RORA: variants seen among roughly 807,000 people sequenced by gnomAD.
RORA encodes the protein RAR related orphan receptor A.
In RORA, 7 loss-of-function variants were observed where a neutral mutation model predicts 69.5. That is an observed-to-expected ratio of 0.10 (90% confidence interval 0.06 to 0.19). The LOEUF is 0.19. Among genes scored for constraint, RORA ranks in the 10% least tolerant of loss-of-function variants. The probability of loss-of-function intolerance (pLI) is 1.00; values close to 1 mark genes in which losing one functional copy is unlikely to be tolerated. For synonymous variants in RORA, 261 were observed against 240.8 expected, an observed-to-expected ratio of 1.08 and a Z score of -0.78; for missense variants, 457 against 663.0, an observed-to-expected ratio of 0.69 and a Z score of 3.41.
At chr15:61,069,552 G>T (rs2078310816) in intron 1 of RORA, among the ~76,000 whole-genome samples, 1 of 152,104 alleles carries the variant, frequency 6.6e-6, no homozygotes, top group South Asian at 2.1e-4. Context: ...GTCAACATTC[G>T]GCTGTTTCAC....
intron 1 of RORA, among the ~76,000 whole-genome samples, chr15:60,989,180 G>A (rs568774243): frequency 9.2e-5 from 14 of 152,134 alleles, no homozygotes; most frequent in East Asian, 3.9e-4. Context: ...CAGTCTCATC[G>A]CCCCTGAAAA....
chr15:60,873,702 C>A (rs544576494), intron 1 of RORA, among the ~76,000 whole-genome samples: 4 of 152,250 alleles, frequency 2.6e-5, no homozygotes, highest in Admixed American at 2.0e-4. Flanking sequence ...TGTTCTGGAA[C>A]ATAAAGTAGC....
intron 1 of RORA, among the ~76,000 whole-genome samples, chr15:61,010,777 G>A (rs999990162): frequency 2.0e-5 from 3 of 152,160 alleles, no homozygotes; most frequent in Non-Finnish European, 4.4e-5. Context: ...TGGACAATAA[G>A]AACATTGCAT....
Position 60,511,901 on chromosome 15 carries a change from G to A in RORA, c.425-280C>T. 2.7e-6 allele frequency: 1 copy of A among 364,414 alleles called. No homozygotes were observed. The highest frequency in any genetic ancestry group is 5.0e-6 in the Non-Finnish European group (1 of 199,450). 22.6% of individuals were successfully genotyped at this position (364,414 alleles called of 1,614,324 possible). ...GAGATGCCACTTCTGTTTCCCTGCT[G>A]TCACATCCCCCGTTTCCACTGCGCC... On this transcript the variant is annotated intron_variant, in intron 4 of 10. Transcript: ENST00000335670. The surrounding 1 kb of genome is among the most constrained non-coding windows in gnomAD (Gnocchi z 6.4).
At chr15:60,952,104 G>C (rs1893124926) in intron 1 of RORA, among the ~76,000 whole-genome samples, 1 of 150,814 alleles carries the variant, frequency 6.6e-6, no homozygotes. Context: ...GATCAAGTGG[G>C]CTTCATCCCT....
chr15:61,212,695 TCTTA>T (rs991836438), intron 1 of RORA, among the ~76,000 whole-genome samples: 3 of 152,122 alleles, frequency 2.0e-5, no homozygotes, highest in African/African-American at 7.2e-5. Flanking sequence ...CCAGGCCCAT[TCTTA>T]CTTTTTTACA....
chr15:61,065,422 C>A (rs2078244089), intron 1 of RORA, among the ~76,000 whole-genome samples: 1 of 152,170 alleles, frequency 6.6e-6, no homozygotes, highest in Non-Finnish European at 1.5e-5. Flanking sequence ...CTCATCCCAC[C>A]CTTTTCTTCT....
intron 1 of RORA, among the ~76,000 whole-genome samples, chr15:60,811,101 C>T (rs768011601): frequency 6.6e-6 from 1 of 152,174 alleles, no homozygotes; most frequent in Non-Finnish European, 1.5e-5. Flanking sequence ...TATGTCTTAA[C>T]CCCACTGTTT....
At chr15:61,040,155 T>C (rs1180496795) in intron 1 of RORA, among the ~76,000 whole-genome samples, 19 of 116,846 alleles carry the variant, frequency 1.6e-4, no homozygotes, top group African/African-American at 5.9e-4. Flanking sequence ...TATATATATA[T>C]ATATATATAA....
At chr15:61,090,423 C>A (rs781002864) in intron 1 of RORA, among the ~76,000 whole-genome samples, 6 of 152,138 alleles carry the variant, frequency 3.9e-5, no homozygotes, top group Non-Finnish European at 8.8e-5. Context: ...AAAAGAAATA[C>A]CCCAGCCTCT....
rs182575306 is a variant in RORA, at chr15:60,637,039, G to A, written c.196+41618C>T. 2.8e-4 allele frequency among the ~76,000 whole-genome samples: 43 copies of A among 151,940 alleles called. No homozygotes were observed. The East Asian group carries it at 8.1e-3, about 29-fold the overall frequency. ...ATTATAAATAGTATTAAATAAACATGGTTTTTGTGTGCATTAATCTTTACT... is the reference window on the plus strand; with the variant it reads ...ATTATAAATAGTATTAAATAAACATAGTTTTTGTGTGCATTAATCTTTACT... On this transcript the variant is annotated intron_variant, in intron 2 of 10. Coordinates refer to ENST00000335670, the MANE Select transcript of RORA (RefSeq NM_134261.3).
intron 1 of RORA, among the ~76,000 whole-genome samples, chr15:60,806,836 T>A (rs1407705505): frequency 1.3e-5 from 2 of 152,146 alleles, no homozygotes; most frequent in Non-Finnish European, 2.9e-5. Flanking sequence ...CTTGAAGGTG[T>A]CAAAGGAAGA....
At chr15:61,121,562 C>T (rs1056699902) in intron 1 of RORA, among the ~76,000 whole-genome samples, 5 of 152,148 alleles carry the variant, frequency 3.3e-5, no homozygotes, top group Non-Finnish European at 5.9e-5. Flanking sequence ...CTCAGCAATT[C>T]GTTTCAGCTT....
chr15:60,729,780 T>C (rs544473868), intron 1 of RORA, among the ~76,000 whole-genome samples: 4 of 152,228 alleles, frequency 2.6e-5, no homozygotes, highest in Non-Finnish European at 5.9e-5. Context: ...CTTCTGTGTA[T>C]TAAATCTAAA....
chr15:60,579,355 A>G (rs1179539046), intron 2 of RORA, among the ~76,000 whole-genome samples: 1 of 152,182 alleles, frequency 6.6e-6, no homozygotes. Flanking sequence ...GATAGTATCT[A>G]TAAATCCAAA....
chr15:61,222,857 T>C (rs957666974), intron 1 of RORA, among the ~76,000 whole-genome samples: 1 of 152,206 alleles, frequency 6.6e-6, no homozygotes, highest in Admixed American at 6.5e-5. Flanking sequence ...TTCCTAACTT[T>C]CAGGATTTAA....
intron 1 of RORA, among the ~76,000 whole-genome samples, chr15:60,833,087 G>C (rs968649739): frequency 2.0e-5 from 3 of 151,414 alleles, no homozygotes; most frequent in Non-Finnish European, 4.4e-5. Flanking sequence ...TGTATTTTTA[G>C]TAGAGACAGG....
chr15:60,933,143 T>G (rs1320350194), intron 1 of RORA, among the ~76,000 whole-genome samples: 3 of 152,196 alleles, frequency 2.0e-5, no homozygotes, highest in Non-Finnish European at 4.4e-5. Context: ...AATTTCATCA[T>G]CAGCCCAATT....
chr15:60,672,370 T>A (rs1364721197), intron 2 of RORA, among the ~76,000 whole-genome samples: 1 of 152,184 alleles, frequency 6.6e-6, no homozygotes, highest in Non-Finnish European at 1.5e-5. Flanking sequence ...GGATTGCCTT[T>A]ACATCCTGGC....
Sources: gnomAD v4.1 joint callset for allele counts (sites outside exome capture counted in the v4.1 genomes callset) on GRCh38, gnomAD v4.1.1 for gene constraint, Gnocchi (gnomAD v3.1) non-coding constraint, MANE v1.5 for transcripts, NCBI Gene and HGNC (gene_info 2026-07-23, HGNC 2026-07-21) for gene names.